The following CDYL variants were observed in gnomAD, a reference collection of about 807,000 sequenced individuals.
CDYL encodes chromodomain Y like.
In CDYL, 8 loss-of-function variants were observed where a neutral mutation model predicts 47.3. The observed-to-expected ratio is 0.17, with a 90% CI of 0.10 to 0.31. CDYL has a LOEUF of 0.31. Ranked by LOEUF, CDYL falls within the 10% of genes least tolerant of loss-of-function variation. The pLI is 1.00. For missense variants in CDYL, 471 were observed against 701.4 expected (o/e 0.67, Z 3.71); for synonymous variants, 266 against 265.0 (o/e 1.00, Z -0.04).
intron 2 of CDYL, chr6:4,724,319 G>T (rs1757443869): frequency 6.6e-6 from 1 of 151,992 alleles, no homozygotes; most frequent in South Asian, 2.1e-4. Flanking sequence ...CCAACGTGAT[G>T]GGATTATAGA....
At chr6:4,731,255 A>G (rs1757600019) in intron 2 of CDYL, among the ~76,000 whole-genome samples, 1 of 152,328 alleles carries the variant, frequency 6.6e-6, no homozygotes, top group Non-Finnish European at 1.5e-5. Flanking sequence ...GTTTTTTCAC[A>G]TGAAGTGTTC....
At chr6:4,745,713 T>C (rs1207102695) in intron 3 of CDYL, among the ~76,000 whole-genome samples, 1 of 152,178 alleles carries the variant, frequency 6.6e-6, no homozygotes, top group Non-Finnish European at 1.5e-5. Context: ...TCCAGTGCTG[T>C]CAGTTAAGCT....
chr6:4,742,836 C>G (rs1757821325), intron 3 of CDYL, among the ~76,000 whole-genome samples: 1 of 152,214 alleles, frequency 6.6e-6, no homozygotes, highest in Non-Finnish European at 1.5e-5. Flanking sequence ...ATAGGATCAT[C>G]TTGAAGCTGC....
At position 4,931,347 on chromosome 6, in the gene CDYL, C is replaced by G. The variant is rs11965459; in HGVS notation, c.692-4168C>G. Among the ~76,000 whole-genome samples the G allele has an allele frequency of 2.8e-3, 431 of 152,260 alleles. 2 individuals carry two copies. Among genetic ancestry groups the G allele is most frequent in the African/African-American group, 7.7e-3 (320 of 41,540 alleles). On this transcript the variant is annotated intron_variant, in intron 2 of 6. Transcript: ENST00000397588. ...CCAGGGTGATATGAAGTGCTGATGG[C>G]AGGGACCAGCATTAGGATGGGAGGC...
chr6:4,782,965 A>G (rs987432598), intron 1 of CDYL, among the ~76,000 whole-genome samples: 2 of 152,256 alleles, frequency 1.3e-5, no homozygotes, highest in Admixed American at 6.5e-5. Flanking sequence ...GATAGTCAGT[A>G]TTTAATGGCA....
chr6:4,851,638 C>T (rs1217514544), intron 1 of CDYL, among the ~76,000 whole-genome samples: 1 of 152,158 alleles, frequency 6.6e-6, no homozygotes, highest in East Asian at 1.9e-4. Flanking sequence ...AAGGAACCAC[C>T]GTTTAATTCT....
chr6:4,862,337 A>C (rs535584793), intron 1 of CDYL, among the ~76,000 whole-genome samples: 14 of 152,304 alleles, frequency 9.2e-5, no homozygotes, highest in African/African-American at 3.1e-4. Flanking sequence ...GGGATGAGTT[A>C]ATTCTGACCA....
chr6:4,906,558 G>C (rs1474434924), intron 2 of CDYL, among the ~76,000 whole-genome samples: 1 of 152,206 alleles, frequency 6.6e-6, no homozygotes, highest in Non-Finnish European at 1.5e-5. Flanking sequence ...ATTGCGTACA[G>C]AGTGTATCGG....
chr6:4,867,787 T>C (rs1761362720), intron 1 of CDYL, among the ~76,000 whole-genome samples: 1 of 151,242 alleles, frequency 6.6e-6, no homozygotes. Flanking sequence ...TTTTTTTTTT[T>C]TGGTAAAAAA....
At chr6:4,708,311 G>A (rs919147956) in intron 1 of CDYL, among the ~76,000 whole-genome samples, 6 of 152,066 alleles carry the variant, frequency 3.9e-5, no homozygotes, top group East Asian at 1.9e-4. Context: ...CTACAGGTCC[G>A]TGCCACCATG....
chr6:4,776,814 C>A lies in CDYL; in HGVS notation c.24+7C>A. The A allele has an allele frequency of 9.5e-7, 1 of 1,051,408 alleles. No individual in the cohort carries two copies. The allele number at this position is 1,051,408 out of a possible 1,614,324, so 65.1% of individuals were successfully genotyped here. ...TTCCGAGGAGCTGTACGAGGTACCTCCCCTCCCCCCGGCCTCGGGCCGCCC... is the reference window on the plus strand; with the variant it reads ...TTCCGAGGAGCTGTACGAGGTACCTACCCTCCCCCCGGCCTCGGGCCGCCC... On this transcript the variant is annotated splice_region_variant and intron_variant, in intron 1 of 6. Transcript: ENST00000397588.
intron 1 of CDYL, among the ~76,000 whole-genome samples, chr6:4,850,837 T>TA (rs1427995842): frequency 6.6e-6 from 1 of 152,206 alleles, no homozygotes; most frequent in Non-Finnish European, 1.5e-5. Flanking sequence ...TTTCAAGTGT[T>TA]AAAAAATTAT....
intron 2 of CDYL, among the ~76,000 whole-genome samples, chr6:4,894,871 A>G (rs1188262418): frequency 4.8e-5 from 1 of 20,692 alleles, no homozygotes; most frequent in Non-Finnish European, 6.8e-4. Flanking sequence ...GTGTATATAC[A>G]CACATGTGTA....
chr6:4,847,988 C>G (rs1369071222), intron 1 of CDYL, among the ~76,000 whole-genome samples: 1 of 152,170 alleles, frequency 6.6e-6, no homozygotes, highest in East Asian at 1.9e-4. Context: ...CCCTTGCTTT[C>G]ACATGTCCCA....
At chr6:4,844,824 T>C (rs975239193) in intron 1 of CDYL, among the ~76,000 whole-genome samples, 2 of 152,196 alleles carry the variant, frequency 1.3e-5, no homozygotes, top group African/African-American at 2.4e-5. Context: ...TTTAATGAGA[T>C]GTGAAGTATT....
intron 2 of CDYL, among the ~76,000 whole-genome samples, chr6:4,913,402 A>T (rs1757467480): frequency 6.6e-6 from 1 of 152,208 alleles, no homozygotes; most frequent in African/African-American, 2.4e-5. Flanking sequence ...AAAAGCAAAA[A>T]GTGTGTGGCA....
chr6:4,734,395 G>A (rs966838), intron 2 of CDYL, among the ~76,000 whole-genome samples: 44,058 of 151,968 alleles, frequency 0.29, 6,526 homozygotes, highest in African/African-American at 0.33. Context: ...ATGATGCAGG[G>A]GGCTCCCCAC....
At chr6:4,817,041 A>C (rs894378446) in intron 1 of CDYL, among the ~76,000 whole-genome samples, 2 of 152,176 alleles carry the variant, frequency 1.3e-5, no homozygotes, top group Non-Finnish European at 2.9e-5. Flanking sequence ...ATATCATCAA[A>C]ATGCTTTTAG....
intron 3 of CDYL, among the ~76,000 whole-genome samples, chr6:4,765,307 A>G (rs912551289): frequency 2.0e-5 from 3 of 151,882 alleles, no homozygotes; most frequent in Non-Finnish European, 4.4e-5. Context: ...TTGGTGACAG[A>G]GGGAGACTTC....
Sources: allele counts gnomAD v4.1 joint callset (sites outside exome capture counted in the v4.1 genomes callset), GRCh38; gene constraint gnomAD v4.1.1; transcripts MANE v1.5; gene names NCBI Gene and HGNC (gene_info 2026-07-23, HGNC 2026-07-21).